KDM4C: variants seen among roughly 807,000 people sequenced by gnomAD.
KDM4C encodes the protein lysine demethylase 4C.
KDM4C carries 81 observed loss-of-function variants against 129.3 expected under a neutral mutation model. The ratio of observed to expected loss-of-function variants is 0.63; its 90% CI spans 0.52 to 0.75. The LOEUF is 0.75. Among genes scored for constraint, KDM4C ranks in the 30% least tolerant of loss-of-function variants. The probability of loss-of-function intolerance (pLI) is 0.00; values close to 1 mark genes in which losing one functional copy is unlikely to be tolerated. For missense variants in KDM4C, 1,457 were observed against 1,304.0 expected, an observed-to-expected ratio of 1.12 and a Z score of -1.81; for synonymous variants, 573 against 456.1, an observed-to-expected ratio of 1.26 and a Z score of -3.26.
At chr9:6,751,183 C>T (rs1055389993) in intron 1 of KDM4C, among the ~76,000 whole-genome samples, 3 of 152,080 alleles carry the variant, frequency 2.0e-5, no homozygotes, top group African/African-American at 4.8e-5. Context: ...TGGTGTCTCA[C>T]GCCTGTAATC....
intron 12 of KDM4C, among the ~76,000 whole-genome samples, chr9:6,996,176 C>G (rs1164693032): frequency 2.0e-5 from 3 of 152,216 alleles, no homozygotes; most frequent in Non-Finnish European, 2.9e-5. Context: ...GTGATTCACA[C>G]TCACAAATGT....
chr9:6,879,229 A>C (rs1844066097), intron 5 of KDM4C, among the ~76,000 whole-genome samples: 1 of 152,190 alleles, frequency 6.6e-6, no homozygotes, highest in South Asian at 2.1e-4. Flanking sequence ...ATTTATTGTT[A>C]ATATCCTCAT....
intron 12 of KDM4C, among the ~76,000 whole-genome samples, chr9:7,001,006 C>T (rs1002072610): frequency 1.3e-5 from 2 of 152,132 alleles, no homozygotes; most frequent in East Asian, 3.8e-4. Context: ...CATTTGTGCA[C>T]GTTGGTCATG....
chr9:6,768,390 T>C (rs1006214304), intron 1 of KDM4C, among the ~76,000 whole-genome samples: 1 of 151,940 alleles, frequency 6.6e-6, no homozygotes, highest in African/African-American at 2.4e-5. Context: ...ATTTTAGAGA[T>C]ATTCTATATA....
chr9:7,173,837 T>G (rs529243521), intron 21 of KDM4C, among the ~76,000 whole-genome samples: 5 of 152,228 alleles, frequency 3.3e-5, no homozygotes, highest in African/African-American at 1.2e-4. Flanking sequence ...GCTGGGGAAA[T>G]GCACTTACAG....
intron 18 of KDM4C, among the ~76,000 whole-genome samples, chr9:7,123,050 C>A (rs1197840910): frequency 6.6e-6 from 1 of 152,148 alleles, no homozygotes; most frequent in East Asian, 1.9e-4. Flanking sequence ...ATCAGAAATC[C>A]TATCAAAATA....
At chr9:6,773,501 G>T (rs1417445835) in intron 1 of KDM4C, among the ~76,000 whole-genome samples, 1 of 152,146 alleles carries the variant, frequency 6.6e-6, no homozygotes, top group Non-Finnish European at 1.5e-5. Context: ...GCCAGGCGTG[G>T]TGGCTCATGC....
At chr9:6,875,482 T>C (rs1037037340) in intron 5 of KDM4C, among the ~76,000 whole-genome samples, 1 of 152,194 alleles carries the variant, frequency 6.6e-6, no homozygotes, top group Non-Finnish European at 1.5e-5. Flanking sequence ...TTTGTCCTGG[T>C]GCCTGGTAGG....
At chr9:7,147,339 C>T (rs988022946) in intron 19 of KDM4C, among the ~76,000 whole-genome samples, 2 of 152,116 alleles carry the variant, frequency 1.3e-5, no homozygotes, top group African/African-American at 2.4e-5. Context: ...CTTGGAAAGC[C>T]GGACATATAA....
chr9:6,872,394 C>T (rs370531208), intron 5 of KDM4C, among the ~76,000 whole-genome samples: 24 of 152,134 alleles, frequency 1.6e-4, no homozygotes, highest in African/African-American at 4.3e-4. Flanking sequence ...TCCACTTGGT[C>T]CAGAGCTGAG....
chr9:6,844,596 A>G (rs1286072429), intron 4 of KDM4C, among the ~76,000 whole-genome samples: 1 of 152,194 alleles, frequency 6.6e-6, no homozygotes, highest in East Asian at 1.9e-4. Flanking sequence ...TTTCCTTATG[A>G]GTGCTTTTGG....
chr9:6,785,562 C>T (rs1825310517), intron 1 of KDM4C, among the ~76,000 whole-genome samples: 1 of 152,176 alleles, frequency 6.6e-6, no homozygotes, highest in South Asian at 2.1e-4. Context: ...TGGTCTTGAA[C>T]TCCTGACCTG....
intron 8 of KDM4C, among the ~76,000 whole-genome samples, chr9:6,932,165 A>G (rs890097157): frequency 6.6e-6 from 1 of 152,194 alleles, no homozygotes; most frequent in Admixed American, 6.5e-5. Flanking sequence ...TGAAAGAGAA[A>G]GTGGCATTTG....
intron 19 of KDM4C, among the ~76,000 whole-genome samples, chr9:7,154,961 G>C (rs1484788999): frequency 6.6e-6 from 1 of 152,184 alleles, no homozygotes; most frequent in Non-Finnish European, 1.5e-5. Context: ...AAATGCATTT[G>C]TCAAGGTTTT....
At chr9:6,792,367 ATTTATTT>A (rs1826838461) in intron 1 of KDM4C, among the ~76,000 whole-genome samples, 1 of 134,662 alleles carries the variant, frequency 7.4e-6, no homozygotes, top group East Asian at 2.3e-4. Flanking sequence ...TTTATTTTTT[ATTTATTT>A]ATTTTTTGAG....
Position 7,133,406 on chromosome 9 carries a change from CT to C in KDM4C, c.2781+5173del, listed in dbSNP as rs147620807. Among the ~76,000 whole-genome samples the C allele has an allele frequency of 4.8e-3, 734 of 152,238 alleles. 4 individuals are homozygous for C. The highest frequency in any genetic ancestry group is 0.017 in the African/African-American group (696 of 41,546). ...TAAGGTAGTCCCAGCATCTTTTAGA[CT>C]TTATAATAGCCTAGTTCCCTACATT... On this transcript the variant is annotated intron_variant, in intron 19 of 21. Coordinates refer to ENST00000381309, the MANE Select transcript of KDM4C (RefSeq NM_015061.6).
intron 1 of KDM4C, among the ~76,000 whole-genome samples, chr9:6,749,986 CAAAAAAAAAAAA>C: frequency 3.6e-5 from 2 of 55,606 alleles, no homozygotes; most frequent in East Asian, 8.4e-4. Context: ...AACTCCTTCT[CAAAAAAAAAAAA>C]AAAAAAAAAA....
At chr9:7,137,454 G>C (rs565382141) in intron 19 of KDM4C, among the ~76,000 whole-genome samples, 1 of 152,084 alleles carries the variant, frequency 6.6e-6, no homozygotes, top group Non-Finnish European at 1.5e-5. Context: ...TTGACCCTTC[G>C]ATTACTCTTT....
intron 18 of KDM4C, among the ~76,000 whole-genome samples, chr9:7,109,737 G>C (rs532977770): frequency 6.6e-6 from 1 of 152,224 alleles, no homozygotes; most frequent in African/African-American, 2.4e-5. Context: ...TCTTCTTGAT[G>C]TTCTTGCTCC....
Sources: allele counts gnomAD v4.1 joint callset (sites outside exome capture counted in the v4.1 genomes callset), GRCh38; gene constraint gnomAD v4.1.1; transcripts MANE v1.5; gene names NCBI Gene and HGNC (gene_info 2026-07-23, HGNC 2026-07-21).